Variants in DIS3L2 observed in about 807,000 individuals in gnomAD.
DIS3L2 encodes the protein DIS3-like exonuclease 2.
Under a neutral mutation model 97.5 loss-of-function variants are expected in DIS3L2, and 34 were observed. The observed-to-expected ratio is 0.35, with a 90% CI of 0.27 to 0.46. The LOEUF (loss-of-function observed/expected upper bound fraction) is 0.46, where lower values mean the gene tolerates loss of function less well. Among genes scored for constraint, DIS3L2 ranks in the 20% least tolerant of loss-of-function variants. The probability of loss-of-function intolerance (pLI) is 1.00; values close to 1 mark genes in which losing one functional copy is unlikely to be tolerated. For synonymous variants in DIS3L2, 435 were observed against 445.2 expected (o/e 0.98, Z 0.29); for missense variants, 1,038 against 1,146.0 (o/e 0.91, Z 1.36).
intron 5 of DIS3L2, among the ~76,000 whole-genome samples, chr2:232,083,884 A>G (rs533721403): frequency 5.4e-4 from 82 of 152,296 alleles, no homozygotes; most frequent in Non-Finnish European, 1.1e-3. Flanking sequence ...TCTCTCTGAG[A>G]TAAAGTATGT....
chr2:232,198,254 T>C (rs564145937), intron 9 of DIS3L2, among the ~76,000 whole-genome samples: 1 of 152,282 alleles, frequency 6.6e-6, no homozygotes, highest in Non-Finnish European at 1.5e-5. Flanking sequence ...AAAAAAGTGT[T>C]TTTAATGAGA....
intron 9 of DIS3L2, among the ~76,000 whole-genome samples, chr2:232,203,957 G>C (rs1429129624): frequency 6.6e-6 from 1 of 152,142 alleles, no homozygotes; most frequent in African/African-American, 2.4e-5. Flanking sequence ...GAGGGACATA[G>C]CGGGAGCATG....
chr2:232,335,930 C>T (rs1258082821), intron 20 of DIS3L2, 56 bp downstream of exon 20: 34 of 1,547,792 alleles, frequency 2.2e-5, no homozygotes, highest in Middle Eastern at 2.0e-4. Flanking sequence ...TCTCCTGCCT[C>T]CTGCGGTGCC....
chr2:232,282,205 A>C (rs1694310692), intron 13 of DIS3L2, among the ~76,000 whole-genome samples: 2 of 151,270 alleles, frequency 1.3e-5, no homozygotes, highest in Non-Finnish European at 2.9e-5. Context: ...CCAACATGTC[A>C]GTGATAGATG....
intron 11 of DIS3L2, among the ~76,000 whole-genome samples, chr2:232,246,570 CA>C (rs1307402915): frequency 6.6e-6 from 1 of 152,184 alleles, no homozygotes; most frequent in Non-Finnish European, 1.5e-5. Flanking sequence ...GACCAAGACT[CA>C]AAATTTTACT....
chr2:232,163,332 C>G (rs1690709324), intron 8 of DIS3L2, 127 bp from the exon 9 acceptor site: 4 of 863,920 alleles, frequency 4.6e-6, no homozygotes, highest in East Asian at 5.4e-5. Flanking sequence ...TACGGATGAT[C>G]ATGTTTCTAC....
chr2:231,984,810 A>G (rs1349940922), intron 1 of DIS3L2, among the ~76,000 whole-genome samples: 2 of 152,024 alleles, frequency 1.3e-5, no homozygotes, highest in African/African-American at 4.8e-5. Context: ...CAGTAGAGAC[A>G]ACATTTCACC....
intron 6 of DIS3L2, among the ~76,000 whole-genome samples, chr2:232,100,472 A>G (rs1312612706): frequency 6.6e-6 from 1 of 151,854 alleles, no homozygotes; most frequent in Non-Finnish European, 1.5e-5. Flanking sequence ...TTAGCTTATT[A>G]ATTTTAACTT....
intron 8 of DIS3L2, among the ~76,000 whole-genome samples, chr2:232,157,607 C>T (rs1322293004): frequency 6.6e-6 from 1 of 152,068 alleles, no homozygotes; most frequent in Admixed American, 6.6e-5. Flanking sequence ...GATAGCAAAC[C>T]TAGAGTAAGT....
Sources: gnomAD v4.1 joint callset for allele counts (sites outside exome capture counted in the v4.1 genomes callset) on GRCh38, gnomAD v4.1.1 for gene constraint, MANE v1.5 for transcripts, NCBI Gene and HGNC (gene_info 2026-07-23, HGNC 2026-07-21) for gene names.